Variants in NCOA7 observed in about 807,000 individuals in gnomAD.
NCOA7 encodes nuclear receptor coactivator 7, also known as 140 kDa estrogen receptor-associated protein.
In NCOA7, 45 loss-of-function variants were observed where a neutral mutation model predicts 104.3. The ratio of observed to expected loss-of-function variants is 0.43; its 90% CI spans 0.34 to 0.55. The LOEUF is 0.55. Among genes scored for constraint, NCOA7 ranks in the 20% least tolerant of loss-of-function variants. NCOA7 has a pLI of 0.02. For synonymous variants in NCOA7, 398 were observed against 402.3 expected, an observed-to-expected ratio of 0.99 and a Z score of 0.13; for missense variants, 1,041 against 1,119.7, an observed-to-expected ratio of 0.93 and a Z score of 1.00.
chr6:125,876,204 G>A lies in NCOA7; in HGVS notation c.351+1236G>A, dbSNP rs562590122. Among the ~76,000 whole-genome samples the A allele has an allele frequency of 1.6e-4, 24 of 152,246 alleles. No homozygotes were observed. In the South Asian group the frequency reaches 5.0e-3, roughly 32 times the overall value. ...CTAATTCTTTGCTGGTGTTTCTTTT[G>A]CAATAGTAAATCTGCAAGCCTCTGT... On this transcript the variant is annotated intron_variant, in intron 4 of 15. Transcript: ENST00000392477.
Position 125,931,825 on chromosome 6 carries a change from GGTTT to G in NCOA7, c.*3055_*3058del, listed in dbSNP as rs1788475819. The G allele has an allele frequency of 6.6e-6, 1 of 152,094 alleles. No individual in the cohort carries two copies. Among genetic ancestry groups the G allele is most frequent in the African/African-American group, 2.4e-5 (1 of 41,408 alleles). The allele number at this position is 152,094 out of a possible 1,614,324, so 9.4% of individuals were successfully genotyped here. On this transcript the variant is annotated 3_prime_UTR_variant, in exon 16 of 16. Coordinates refer to ENST00000392477, the MANE Select transcript of NCOA7 (RefSeq NM_181782.5). The stretch of plus-strand genomic sequence containing the variant: ...TGGGATGTGATTAGAACATGGGGGC[GGTTT>G]CCCCCATGCTGTTCTCATGATAGTG...
rs1350266666 is a variant in NCOA7, at chr6:125,822,826, A to G, written c.50+7422A>G. ...GGCACAGACCTGTAATCCCAGCTAC[A>G]TGGGAGACTGAAGCAAGAGAATCAC... is the stretch of plus-strand genomic sequence containing the variant. On this transcript the variant is annotated intron_variant, in intron 2 of 15. Coordinates refer to ENST00000392477, the MANE Select transcript of NCOA7 (RefSeq NM_181782.5). 2.6e-5 allele frequency among the ~76,000 whole-genome samples: 4 copies of G among 151,648 alleles called. No individual in the cohort carries two copies. The East Asian group carries it at 5.8e-4, about 22-fold the overall frequency.
upstream of NCOA7, among the ~76,000 whole-genome samples, chr6:125,787,806 A>G (rs1205047421): frequency 6.6e-6 from 1 of 152,220 alleles, no homozygotes; most frequent in Non-Finnish European, 1.5e-5. Flanking sequence ...TTATCATAAT[A>G]AAGTATATTA....
In NCOA7 at chr6:125,922,767, C is replaced by T. The variant is rs759718912; in HGVS notation, c.2456C>T (p.Thr819Met). The change falls in exon 13 of 16, where the codon ACG becomes ATG. Residue 819 changes from threonine (T) to methionine (M), a missense_variant. Coordinates refer to ENST00000392477, the MANE Select transcript of NCOA7 (RefSeq NM_181782.5). ...TTAGAGCACGGGACCAGCTTAAAGA[C>T]GCTCTACCGGAAATCGGCATCACTA... Reference protein sequence around the residue: ...STLEHGTSLKTLYRKSASLDS... With the variant: ...STLEHGTSLKMLYRKSASLDS... The T allele has an allele frequency of 3.0e-5, 49 of 1,614,000 alleles. No individual in the cohort carries two copies. The highest frequency in any genetic ancestry group is 1.6e-4 in the Middle Eastern group (1 of 6,062).
At chr6:125,807,980 T>C (rs1776614113) in intron 1 of NCOA7, among the ~76,000 whole-genome samples, 1 of 152,230 alleles carries the variant, frequency 6.6e-6, no homozygotes, top group South Asian at 2.1e-4. Context: ...GAGAAATCTA[T>C]CAAATGCCTC....
chr6:125,914,180 C>A (rs1287363804), intron 10 of NCOA7, among the ~76,000 whole-genome samples: 1 of 152,134 alleles, frequency 6.6e-6, no homozygotes, highest in South Asian at 2.1e-4. Context: ...GTCATTCATA[C>A]AATTAAAGAA....
At chr6:125,923,315 G>A (rs1333487288) in intron 13 of NCOA7, among the ~76,000 whole-genome samples, 1 of 152,182 alleles carries the variant, frequency 6.6e-6, no homozygotes, top group Non-Finnish European at 1.5e-5. Context: ...AGTGTGTTGT[G>A]CCTGAGGGGC....
chr6:125,846,397 C>T (rs1780620927), intron 2 of NCOA7, among the ~76,000 whole-genome samples: 1 of 147,892 alleles, frequency 6.8e-6, no homozygotes, highest in Non-Finnish European at 1.5e-5. Context: ...ACAACTTTAA[C>T]ACATTTCCTA....
chr6:125,862,059 A>G (rs112634860), intron 3 of NCOA7, among the ~76,000 whole-genome samples: 11,080 of 128,490 alleles, frequency 0.086, 2,045 homozygotes, highest in Non-Finnish European at 0.12. Flanking sequence ...AAAAAAAAAA[A>G]AAAAAGAAAG....
chr6:125,824,071 T>TA (rs1419731529), intron 2 of NCOA7, among the ~76,000 whole-genome samples: 12 of 152,124 alleles, frequency 7.9e-5, no homozygotes, highest in East Asian at 7.7e-4. Flanking sequence ...GTTTTTTTTT[T>TA]ATCATTCAAA....
rs1785261184 is a variant in NCOA7, at chr6:125,898,870, T to C, written c.2096+8060T>C. On this transcript the variant is annotated intron_variant, in intron 10 of 15. Coordinates refer to ENST00000392477, the MANE Select transcript of NCOA7 (RefSeq NM_181782.5). ...TTCTTATAATTAAAATTATACAGAC[T>C]AATATTTAGAAAATACAGAAAAGCA... Among the ~76,000 whole-genome samples the C allele has an allele frequency of 2.0e-5, 3 of 152,128 alleles. No individual in the cohort carries two copies. The South Asian group carries it at 6.2e-4, about 31-fold the overall frequency.
chr6:125,927,171 C>G (rs1788105385), intron 13 of NCOA7, among the ~76,000 whole-genome samples: 1 of 152,148 alleles, frequency 6.6e-6, no homozygotes, highest in Admixed American at 6.5e-5. Context: ...ATTAATAACT[C>G]ATTGTTACAA....
At position 125,814,856 on chromosome 6, in the gene NCOA7, A is replaced by G. The variant is rs79875930; in HGVS notation, c.-64-435A>G. On this transcript the variant is annotated intron_variant, in intron 1 of 15. Coordinates refer to ENST00000392477, the MANE Select transcript of NCOA7 (RefSeq NM_181782.5). Reference sequence around the variant, plus strand: ...GTGCTGAAGTTATTTTTATTTTTTTAAAAAAACATTCTTGTAAAACACCTA... The same window carrying G: ...GTGCTGAAGTTATTTTTATTTTTTTGAAAAAACATTCTTGTAAAACACCTA... 1.4e-3 allele frequency among the ~76,000 whole-genome samples: 217 copies of G among 152,258 alleles called. No individual in the cohort carries two copies. The East Asian group carries it at 0.029, about 20-fold the overall frequency.
At chr6:125,905,469 C>A (rs544271785) in intron 10 of NCOA7, among the ~76,000 whole-genome samples, 1 of 152,058 alleles carries the variant, frequency 6.6e-6, no homozygotes, top group Admixed American at 6.5e-5. Flanking sequence ...ACCATGTTGG[C>A]CAGGCTGGTC....
In NCOA7 at chr6:125,861,478, A is replaced by G. The variant is rs568359806; in HGVS notation, c.271+6238A>G. Among the ~76,000 whole-genome samples, 4 of 152,318 alleles carry G rather than the reference A, an allele frequency of 2.6e-5. No individual in the cohort carries two copies. The South Asian group carries it at 8.3e-4, about 32-fold the overall frequency. On this transcript the variant is annotated intron_variant, in intron 3 of 15. Coordinates refer to ENST00000392477, the MANE Select transcript of NCOA7 (RefSeq NM_181782.5). ...AGTAATGATCGTCCTGGTACTTTAGATCTTAAAACATCAAAGAATATAGGA... is the reference window on the plus strand; with the variant it reads ...AGTAATGATCGTCCTGGTACTTTAGGTCTTAAAACATCAAAGAATATAGGA...
chr6:125,803,788 C>T (rs1052164560), intron 1 of NCOA7, among the ~76,000 whole-genome samples: 1 of 152,156 alleles, frequency 6.6e-6, no homozygotes, highest in Non-Finnish European at 1.5e-5. Context: ...TATTTATATA[C>T]TGTATGTTTT....
intron 7 of NCOA7, among the ~76,000 whole-genome samples, chr6:125,883,414 T>G (rs753129088): frequency 2.6e-5 from 4 of 152,206 alleles, no homozygotes; most frequent in Admixed American, 6.5e-5. Flanking sequence ...TAAAATCCAG[T>G]GATTTTTAGT....
chr6:125,814,304 A>C (rs1417806958), intron 1 of NCOA7, among the ~76,000 whole-genome samples: 2 of 152,038 alleles, frequency 1.3e-5, no homozygotes, highest in African/African-American at 4.8e-5. Flanking sequence ...GCAGGCGTGC[A>C]CCACCATGCC....
At chr6:125,815,238 T>C (rs1777478735) in intron 1 of NCOA7, 53 bp from the exon 2 acceptor site, 3 of 635,548 alleles carry the variant, frequency 4.7e-6, no homozygotes, top group East Asian at 5.7e-5. Context: ...ATTTTTCACA[T>C]TGGCCAGTGT....
Sources: allele counts gnomAD v4.1 joint callset (sites outside exome capture counted in the v4.1 genomes callset), GRCh38; gene constraint gnomAD v4.1.1; transcripts MANE v1.5; gene names NCBI Gene and HGNC (gene_info 2026-07-23, HGNC 2026-07-21).